The following SGCD variants were observed in gnomAD, a reference collection of about 807,000 sequenced individuals.
SGCD encodes delta-sarcoglycan.
Under a neutral mutation model 36.6 loss-of-function variants are expected in SGCD, and 18 were observed. That is an observed-to-expected ratio of 0.49 (90% CI 0.34 to 0.73). The LOEUF (loss-of-function observed/expected upper bound fraction) is 0.73, where lower values mean the gene tolerates loss of function less well. Among genes scored for constraint, SGCD ranks in the 30% least tolerant of loss-of-function variants. The pLI is 0.01. For missense variants in SGCD, 387 were observed against 346.7 expected, an observed-to-expected ratio of 1.12 and a Z score of -0.92; for synonymous variants, 133 against 130.6, an observed-to-expected ratio of 1.02 and a Z score of -0.12.
intron 3 of SGCD, among the ~76,000 whole-genome samples, chr5:156,390,214 TAAA>T (rs59950725): frequency 1.3e-5 from 2 of 150,768 alleles, no homozygotes; most frequent in Non-Finnish European, 3.0e-5. Context: ...TTCTGTTTAT[TAAA>T]AAAAAAAGTT....
intron 1 of SGCD, among the ~76,000 whole-genome samples, chr5:155,980,073 A>G (rs944040561): frequency 1.3e-5 from 2 of 152,184 alleles, no homozygotes; most frequent in Admixed American, 6.5e-5. Flanking sequence ...TGAGGATATA[A>G]GGAGAAATTA....
At chr5:156,198,297 T>C (rs573291104) in intron 3 of SGCD, among the ~76,000 whole-genome samples, 59 of 152,278 alleles carry the variant, frequency 3.9e-4, no homozygotes, top group African/African-American at 1.4e-3. Flanking sequence ...CTTGCAAATA[T>C]GCTGTATCGA....
intron 7 of SGCD, among the ~76,000 whole-genome samples, chr5:156,663,745 CAG>C (rs1242475941): frequency 1.4e-5 from 2 of 147,234 alleles, no homozygotes; most frequent in Non-Finnish European, 3.0e-5. Context: ...CCCCTGGAAG[CAG>C]AGAGACTGCT....
the SGCD span, among the ~76,000 whole-genome samples, chr5:155,752,322 T>A: frequency 6.6e-6 from 1 of 152,214 alleles, no homozygotes; most frequent in Non-Finnish European, 1.5e-5. Flanking sequence ...TTCTGCATGG[T>A]GTGGCTCCTG....
chr5:156,737,157 T>G (rs1204544766), intron 7 of SGCD, among the ~76,000 whole-genome samples: 1 of 152,216 alleles, frequency 6.6e-6, no homozygotes, highest in Non-Finnish European at 1.5e-5. Flanking sequence ...TGACACAAAT[T>G]AAGTACTTCC....
chr5:156,668,084 T>A (rs1001894172), intron 7 of SGCD, among the ~76,000 whole-genome samples: 1 of 152,200 alleles, frequency 6.6e-6, no homozygotes, highest in African/African-American at 2.4e-5. Context: ...CTCTATTTTT[T>A]CATTTTGCCC....
At chr5:155,838,795 AT>A in the SGCD span, among the ~76,000 whole-genome samples, 4 of 149,764 alleles carry the variant, frequency 2.7e-5, no homozygotes, top group African/African-American at 9.8e-5. Context: ...AAAAAAAACA[AT>A]TCAATCTACT....
At chr5:155,793,546 C>CTTT in the SGCD span, among the ~76,000 whole-genome samples, 1 of 139,586 alleles carries the variant, frequency 7.2e-6, no homozygotes, top group African/African-American at 2.6e-5. Flanking sequence ...GTTTTTTTTT[C>CTTT]TTTTTTTTTT....
chr5:156,286,014 G>C (rs1048211255), intron 3 of SGCD, among the ~76,000 whole-genome samples: 2 of 152,092 alleles, frequency 1.3e-5, no homozygotes, highest in African/African-American at 4.8e-5. Flanking sequence ...ATGGGTGAAG[G>C]ATATGAACAG....
intron 3 of SGCD, among the ~76,000 whole-genome samples, chr5:156,172,473 C>A (rs916051600): frequency 2.0e-5 from 3 of 152,192 alleles, no homozygotes; most frequent in Non-Finnish European, 4.4e-5. Context: ...CTAAACTTCT[C>A]TGGTTTTTCA....
At chr5:156,457,688 C>T (rs1754318465) in intron 3 of SGCD, among the ~76,000 whole-genome samples, 1 of 152,186 alleles carries the variant, frequency 6.6e-6, no homozygotes, top group Non-Finnish European at 1.5e-5. Context: ...GATATGAAAG[C>T]TGAATCCTTT....
intron 1 of SGCD, among the ~76,000 whole-genome samples, chr5:156,044,926 A>G (rs1759725209): frequency 6.6e-6 from 1 of 152,154 alleles, no homozygotes; most frequent in Non-Finnish European, 1.5e-5. Flanking sequence ...CTACTATAAC[A>G]GAATACCACA....
At chr5:156,174,167 C>CT (rs57341712) in intron 3 of SGCD, among the ~76,000 whole-genome samples, 6,140 of 152,184 alleles carry the variant, frequency 0.04, 272 homozygotes, top group African/African-American at 0.11. Flanking sequence ...GGGTGGAACT[C>CT]TAACTATGGA....
chr5:156,713,105 C>T, intron 7 of SGCD, among the ~76,000 whole-genome samples: 1 of 152,032 alleles, frequency 6.6e-6, no homozygotes, highest in East Asian at 1.9e-4. Flanking sequence ...TTAGGGGTAG[C>T]CGGGCAGGTA....
chr5:156,508,106 C>T (rs957094782), intron 3 of SGCD, among the ~76,000 whole-genome samples: 7 of 151,968 alleles, frequency 4.6e-5, no homozygotes, highest in South Asian at 4.1e-4. Flanking sequence ...ATATTATTTC[C>T]GTAACAAAAT....
chr5:156,591,389 C>T (rs372093769), intron 5 of SGCD, among the ~76,000 whole-genome samples: 3 of 152,186 alleles, frequency 2.0e-5, no homozygotes, highest in South Asian at 2.1e-4. Context: ...AATTAGATCA[C>T]GAATGCCTAT....
chr5:156,457,758 A>G (rs78169346), intron 3 of SGCD, among the ~76,000 whole-genome samples: 1 of 152,086 alleles, frequency 6.6e-6, no homozygotes, highest in African/African-American at 2.4e-5. Flanking sequence ...CCTACTTCAC[A>G]GTTGGTTGGG....
chr5:156,376,237 G>A (rs1770662657), intron 3 of SGCD, among the ~76,000 whole-genome samples: 1 of 152,196 alleles, frequency 6.6e-6, no homozygotes, highest in Admixed American at 6.5e-5. Flanking sequence ...CATCTTGGGT[G>A]TTAACATCCA....
chr5:156,683,156 C>G (rs1179926699), intron 7 of SGCD, among the ~76,000 whole-genome samples: 1 of 152,180 alleles, frequency 6.6e-6, no homozygotes, highest in Non-Finnish European at 1.5e-5. Context: ...TTAGTTCCAT[C>G]AAATGAACCA....
Sources: allele counts gnomAD v4.1 joint callset (sites outside exome capture counted in the v4.1 genomes callset), GRCh38; gene constraint gnomAD v4.1.1; transcripts MANE v1.5; gene names NCBI Gene and HGNC (gene_info 2026-07-23, HGNC 2026-07-21).